FZR1: variants seen among roughly 807,000 people sequenced by gnomAD.
The protein encoded by FZR1 is fizzy-related protein homolog.
FZR1 carries 11 observed loss-of-function variants against 63.6 expected under a neutral mutation model. The observed-to-expected ratio is 0.17, with a 90% confidence interval of 0.11 to 0.29. FZR1 has a LOEUF of 0.29. Among genes scored for constraint, FZR1 ranks in the 10% least tolerant of loss-of-function variants. The pLI is 1.00. For missense variants in FZR1, 440 were observed against 687.5 expected (o/e 0.64, Z 4.03); for synonymous variants, 328 against 297.9 (o/e 1.10, Z -1.04).
chr19:3,510,928 C>T (rs553738860), intron 1 of FZR1, among the ~76,000 whole-genome samples: 5 of 152,378 alleles, frequency 3.3e-5, no homozygotes, highest in East Asian at 1.9e-4. Flanking sequence ...ATGTCCGCAG[C>T]GCTGAGGTTG....
intron 7 of FZR1, 109 bp downstream of exon 7, chr19:3,527,923 C>A: frequency 1.3e-6 from 1 of 785,598 alleles, no homozygotes; most frequent in Admixed American, 3.2e-5. Context: ...AGGCGCCTGC[C>A]ATGGCCCTCC....
intron 2 of FZR1, among the ~76,000 whole-genome samples, chr19:3,523,386 C>G (rs2121948544): frequency 6.6e-6 from 1 of 152,344 alleles, no homozygotes; most frequent in East Asian, 1.9e-4. Flanking sequence ...CCAGGCACAT[C>G]TGGAACCCTG....
intron 1 of FZR1, among the ~76,000 whole-genome samples, chr19:3,507,630 A>G: frequency 6.6e-6 from 1 of 152,092 alleles, no homozygotes; most frequent in East Asian, 1.9e-4. Context: ...GATTTACCTA[A>G]GGGAAAACCA....
rs2083221548 is a variant in FZR1, at chr19:3,529,909, GGAGCGGATGGGT to G, written c.655-871_655-860del. ...GAGAGCGGATGGGAGAGTGGTTGAG[GGAGCGGATGGGT>G]GAGCGGATGGGAGAGCGCATGGGTG... On this transcript the variant is annotated intron_variant, in intron 7 of 13. Transcript: ENST00000441788. Among the ~76,000 whole-genome samples the G allele has an allele frequency of 4.4e-5, 3 of 68,950 alleles. 1 individual carries two copies. Among genetic ancestry groups the G allele is most frequent in the Non-Finnish European group, 9.2e-5 (3 of 32,778 alleles). The allele number at this position is 68,950 out of a possible 152,430, so 45.2% of individuals were successfully genotyped here.
Position 3,525,599 on chromosome 19 carries a change from C to G in FZR1, c.70-269C>G, listed in dbSNP as rs988178673. Among the ~76,000 whole-genome samples the G allele has an allele frequency of 6.6e-6, 1 of 151,982 alleles. No homozygotes were observed. Among genetic ancestry groups the G allele is most frequent in the Non-Finnish European group, 1.5e-5 (1 of 67,958 alleles). ...CTGGGACTACAGGCGCCTGCCACCACGCCCGGCTGATTTTTTGTATTTTTA... is the reference window on the plus strand; with the variant it reads ...CTGGGACTACAGGCGCCTGCCACCAGGCCCGGCTGATTTTTTGTATTTTTA... On this transcript the variant is annotated intron_variant, in intron 2 of 13. Transcript: ENST00000441788. This position sits in a 1 kb window ranked among gnomAD's most constrained non-coding sequence, Gnocchi z 4.2.
chr19:3,508,657 T>C (rs2083003224), intron 1 of FZR1, among the ~76,000 whole-genome samples: 2 of 152,178 alleles, frequency 1.3e-5, no homozygotes. Context: ...TCTGTGTGTG[T>C]AGGGCCGCTC....
chr19:3,522,816 G>T (rs1000777558), intron 1 of FZR1, 140 bp from the exon 2 acceptor site: 5 of 628,308 alleles, frequency 8.0e-6, no homozygotes, highest in Non-Finnish European at 1.4e-5. Flanking sequence ...TGAGGCTAGG[G>T]CTGGCAGAAG....
At position 3,534,904 on chromosome 19, in the gene FZR1, T is replaced by A; in HGVS notation, c.*68T>A. On this transcript the variant is annotated 3_prime_UTR_variant, in exon 14 of 14. Transcript: ENST00000441788. ...GAGGACCCCAGCTCCTCAGCTTGCA[T>A]GGACTCTGCCTTCCCAGCGCTTGTC... 7.9e-7 allele frequency: 1 copy of A among 1,273,126 alleles called. No individual in the cohort carries two copies. The highest frequency in any genetic ancestry group is 1.1e-6 in the Non-Finnish European group (1 of 875,132). The allele number at this position is 1,273,126 out of a possible 1,614,324, so 78.9% of individuals were successfully genotyped here. A position where few individuals can be genotyped will look rare whatever the true frequency, so the allele number is the denominator to read the frequency against.
At chr19:3,513,304 C>A (rs1434758596) in intron 1 of FZR1, among the ~76,000 whole-genome samples, 7 of 152,186 alleles carry the variant, frequency 4.6e-5, no homozygotes, top group Admixed American at 4.6e-4. Context: ...TAGTCGGAGG[C>A]CTCCTGCTGG....
intron 1 of FZR1, among the ~76,000 whole-genome samples, chr19:3,512,508 C>T (rs1181031048): frequency 3.3e-5 from 5 of 152,194 alleles, no homozygotes; most frequent in Admixed American, 1.3e-4. Context: ...GTCGAAAGCC[C>T]ACACTCTTTC....
intron 1 of FZR1, among the ~76,000 whole-genome samples, chr19:3,507,281 T>A (rs551816579): frequency 1.3e-5 from 2 of 151,314 alleles, no homozygotes; most frequent in East Asian, 3.9e-4. Flanking sequence ...CTGCCCCGTG[T>A]CTTCTCCAAA....
At chr19:3,532,227 G>C (rs1272116856) in intron 10 of FZR1, 132 bp downstream of exon 10, 8 of 979,422 alleles carry the variant, frequency 8.2e-6, no homozygotes, top group South Asian at 3.4e-5. Context: ...AGGGCACCAG[G>C]CTTGTCCTTC....
At chr19:3,506,852 C>A (rs1190666114) in intron 1 of FZR1, among the ~76,000 whole-genome samples, 1 of 152,148 alleles carries the variant, frequency 6.6e-6, no homozygotes, top group Non-Finnish European at 1.5e-5. Flanking sequence ...AACAGCAGAC[C>A]CCGCCTCCTA....
intron 10 of FZR1, 46 bp downstream of exon 10, chr19:3,532,141 C>T (rs1301741896): frequency 3.5e-6 from 5 of 1,444,062 alleles, no homozygotes; most frequent in Non-Finnish European, 4.6e-6. Context: ...AGAAGCCGCA[C>T]CCCTCACACT....
intron 1 of FZR1, among the ~76,000 whole-genome samples, chr19:3,512,871 G>T (rs1184383216): frequency 6.6e-6 from 1 of 152,210 alleles, no homozygotes; most frequent in African/African-American, 2.4e-5. Flanking sequence ...ACACTCCTGG[G>T]CGCAGGGCAG....
chr19:3,511,711 C>G (rs11672955), intron 1 of FZR1, among the ~76,000 whole-genome samples: 1 of 152,008 alleles, frequency 6.6e-6, no homozygotes, highest in Non-Finnish European at 1.5e-5. Context: ...GAATGAATGA[C>G]GTGCACGGGG....
At chr19:3,520,997 G>A (rs988047085) in intron 1 of FZR1, among the ~76,000 whole-genome samples, 2 of 152,228 alleles carry the variant, frequency 1.3e-5, no homozygotes, top group Non-Finnish European at 2.9e-5. Flanking sequence ...CTCACAGGGT[G>A]CAACGTCCTC....
At chr19:3,528,963 G>A (rs2083195606) in intron 7 of FZR1, among the ~76,000 whole-genome samples, 1 of 151,400 alleles carries the variant, frequency 6.6e-6, no homozygotes, top group African/African-American at 2.4e-5. Flanking sequence ...TGGGTGAGTG[G>A]ATGGGAGAGC....
At chr19:3,518,828 C>T (rs2083077923) in intron 1 of FZR1, among the ~76,000 whole-genome samples, 1 of 152,186 alleles carries the variant, frequency 6.6e-6, no homozygotes, top group Non-Finnish European at 1.5e-5. Flanking sequence ...CAAACTACTG[C>T]ATTCCAGCCT....
Sources: gnomAD v4.1 joint callset for allele counts (sites outside exome capture counted in the v4.1 genomes callset) on GRCh38, gnomAD v4.1.1 for gene constraint, Gnocchi (gnomAD v3.1) non-coding constraint, MANE v1.5 for transcripts, NCBI Gene and HGNC (gene_info 2026-07-23, HGNC 2026-07-21) for gene names.